The following HS3ST5 variants were observed in gnomAD, a reference collection of about 807,000 sequenced individuals.
The protein encoded by HS3ST5 is heparan sulfate glucosamine 3-O-sulfotransferase 5.
HS3ST5 carries 10 observed loss-of-function variants against 25.4 expected under a neutral mutation model. That is an observed-to-expected ratio of 0.39 (90% CI 0.24 to 0.67). The LOEUF is 0.67. Among genes scored for constraint, HS3ST5 ranks in the 30% least tolerant of loss-of-function variants. The pLI is 0.44. For missense variants in HS3ST5, 324 were observed against 420.7 expected (o/e 0.77, Z 2.01); for synonymous variants, 170 against 162.4 (o/e 1.05, Z -0.36).
intron 1 of HS3ST5, among the ~76,000 whole-genome samples, chr6:114,236,190 T>A (rs1199792272): frequency 6.6e-6 from 1 of 151,978 alleles, no homozygotes; most frequent in Non-Finnish European, 1.5e-5. Context: ...TTTCAGGTCT[T>A]CTAAAAAAGT....
intron 2 of HS3ST5, among the ~76,000 whole-genome samples, chr6:114,222,281 T>C (rs1782079705): frequency 6.6e-6 from 1 of 151,922 alleles, no homozygotes; most frequent in African/African-American, 2.4e-5. Flanking sequence ...AATTGTTTTT[T>C]ATTGCCTGCC....
rs975930944 is a variant in HS3ST5 at position 114,220,803 on chromosome 6, T to A, written c.-145+7782A>T. On this transcript the variant is annotated intron_variant, in intron 2 of 4. Transcript: ENST00000312719. ...GCTGTAGATAAGATCATTCTCATTT[T>A]TTTAAAAGTCTAATTCCAGTTGTGC... is the stretch of plus-strand genomic sequence containing the variant. 7 of 152,122 alleles carry A rather than the reference T, an allele frequency of 4.6e-5. No homozygotes were observed. The East Asian group carries it at 1.3e-3, about 29-fold the overall frequency. The allele number at this position is 152,122 out of a possible 1,614,324, so 9.4% of individuals were successfully genotyped here.
At chr6:114,308,569 A>G (rs989071295) in intron 1 of HS3ST5, among the ~76,000 whole-genome samples, 13 of 152,186 alleles carry the variant, frequency 8.5e-5, no homozygotes, top group Non-Finnish European at 1.6e-4. Flanking sequence ...CCTGGGTGAC[A>G]GAGCAAGACT....
At chr6:114,308,528 A>C (rs1026639222) in intron 1 of HS3ST5, among the ~76,000 whole-genome samples, 76 of 151,926 alleles carry the variant, frequency 5.0e-4, no homozygotes, top group African/African-American at 1.8e-3. Flanking sequence ...CGGAGCTTGC[A>C]GTGAGCCGAG....
chr6:114,291,261 T>C (rs1170085891), intron 1 of HS3ST5, among the ~76,000 whole-genome samples: 1 of 152,164 alleles, frequency 6.6e-6, no homozygotes, highest in Non-Finnish European at 1.5e-5. Flanking sequence ...CACACAACTA[T>C]GTGCATTTCA....
At chr6:114,121,554 T>C (rs1420515648) in intron 3 of HS3ST5, among the ~76,000 whole-genome samples, 1 of 152,184 alleles carries the variant, frequency 6.6e-6, no homozygotes, top group African/African-American at 2.4e-5. Flanking sequence ...CCAAACCCTT[T>C]TCTTTGTAGA....
chr6:114,327,562 C>T (rs1175991414), intron 1 of HS3ST5, among the ~76,000 whole-genome samples: 2 of 152,070 alleles, frequency 1.3e-5, no homozygotes, highest in African/African-American at 2.4e-5. Flanking sequence ...TATTTTTACA[C>T]CTTGAAAAAT....
chr6:114,301,065 T>A (rs1775053765), intron 1 of HS3ST5, among the ~76,000 whole-genome samples: 1 of 152,150 alleles, frequency 6.6e-6, no homozygotes, highest in Non-Finnish European at 1.5e-5. Flanking sequence ...GAAGAAAATG[T>A]TCTAGAATAA....
At chr6:114,068,753 T>C (rs2114724889) in intron 3 of HS3ST5, among the ~76,000 whole-genome samples, 1 of 152,350 alleles carries the variant, frequency 6.6e-6, no homozygotes, top group Non-Finnish European at 1.5e-5. Flanking sequence ...TTATTATTTC[T>C]TTTTATATAA....
chr6:114,078,069 A>G (rs769634416), intron 3 of HS3ST5, among the ~76,000 whole-genome samples: 23 of 152,368 alleles, frequency 1.5e-4, no homozygotes, highest in Non-Finnish European at 2.9e-4. Flanking sequence ...TCATATTCAA[A>G]TTACCAAGTT....
intron 2 of HS3ST5, among the ~76,000 whole-genome samples, chr6:114,195,772 G>T (rs1780715816): frequency 6.6e-6 from 1 of 152,144 alleles, no homozygotes; most frequent in African/African-American, 2.4e-5. Flanking sequence ...CAAGCAGGCA[G>T]TTAGGGTGGG....
At chr6:114,254,410 G>C (rs761079684) in intron 1 of HS3ST5, among the ~76,000 whole-genome samples, 3 of 152,202 alleles carry the variant, frequency 2.0e-5, no homozygotes, top group African/African-American at 7.2e-5. Flanking sequence ...GGGGTGCTAG[G>C]CTGAGGCTAT....
intron 3 of HS3ST5, among the ~76,000 whole-genome samples, chr6:114,156,254 T>G (rs998311259): frequency 2.0e-5 from 3 of 152,234 alleles, no homozygotes; most frequent in African/African-American, 7.2e-5. Flanking sequence ...AAAGAGGATT[T>G]TCTCCCTCAT....
intron 3 of HS3ST5, among the ~76,000 whole-genome samples, chr6:114,126,956 C>G (rs1777069837): frequency 6.6e-6 from 1 of 152,140 alleles, no homozygotes; most frequent in South Asian, 2.1e-4. Context: ...ACTACTTAAT[C>G]CTTCATGGTC....
intron 3 of HS3ST5, among the ~76,000 whole-genome samples, chr6:114,103,857 A>ATT (rs71553394): frequency 3.7e-5 from 4 of 107,146 alleles, no homozygotes; most frequent in Admixed American, 2.1e-4. Flanking sequence ...CACCTGGCTA[A>ATT]TTTTTTTTTT....
chr6:114,300,602 C>G (rs1247641185), intron 1 of HS3ST5, among the ~76,000 whole-genome samples: 4 of 152,084 alleles, frequency 2.6e-5, no homozygotes, highest in Admixed American at 6.6e-5. Context: ...GTGAATTCCT[C>G]AACACACAAA....
intron 2 of HS3ST5, among the ~76,000 whole-genome samples, chr6:114,201,510 C>T (rs1239626399): frequency 6.6e-6 from 1 of 152,110 alleles, no homozygotes; most frequent in African/African-American, 2.4e-5. Context: ...CTGACCTCAT[C>T]CAGGCACACT....
rs1381332868 is a variant in HS3ST5 at position 114,341,218 on chromosome 6, A to AGG, written c.-339+975_-339+976dup. On this transcript the variant is annotated intron_variant, in intron 1 of 4. Coordinates refer to ENST00000312719, the MANE Select transcript of HS3ST5 (RefSeq NM_153612.4). ...GGAGAGGGAGAGGGAATAGGGAGAG[A>AGG]GGGGGAGAGAGAGAGAGAGAGAGAG... Among the ~76,000 whole-genome samples the AGG allele has an allele frequency of 1.2e-4, 13 of 104,636 alleles. No homozygotes were observed. In the South Asian group the frequency reaches 1.3e-3, roughly 11 times the overall value. The allele number at this position is 104,636 out of a possible 152,430, so 68.6% of individuals were successfully genotyped here. A position where few individuals can be genotyped will look rare whatever the true frequency, so the allele number is the denominator to read the frequency against.
chr6:114,306,673 G>A (rs1222709563), intron 1 of HS3ST5, among the ~76,000 whole-genome samples: 1 of 152,062 alleles, frequency 6.6e-6, no homozygotes, highest in African/African-American at 2.4e-5. Flanking sequence ...AGGTGTGGTT[G>A]CTATAAAAAT....
Sources: gnomAD v4.1 joint callset for allele counts (sites outside exome capture counted in the v4.1 genomes callset) on GRCh38, gnomAD v4.1.1 for gene constraint, MANE v1.5 for transcripts, NCBI Gene and HGNC (gene_info 2026-07-23, HGNC 2026-07-21) for gene names.